Variants in SENP7 observed in about 807,000 individuals in gnomAD.
SENP7 encodes the protein sentrin-specific protease 7.
SENP7 carries 64 observed loss-of-function variants against 141.2 expected under a neutral mutation model. The observed-to-expected ratio is 0.45, with a 90% CI of 0.37 to 0.56. SENP7 has a LOEUF of 0.56. Ranked by LOEUF, SENP7 falls within the 20% of genes least tolerant of loss-of-function variation. The pLI, the probability that SENP7 is intolerant of heterozygous loss-of-function variation, is 0.00. For synonymous variants in SENP7, 382 were observed against 426.4 expected, an observed-to-expected ratio of 0.90 and a Z score of 1.28; for missense variants, 1,025 against 1,212.2, an observed-to-expected ratio of 0.85 and a Z score of 2.29.
At chr3:101,361,690 A>G (rs2059906329) in intron 11 of SENP7, 25 bp downstream of exon 11, 1 of 1,512,540 alleles carries the variant, frequency 6.6e-7, no homozygotes, top group Non-Finnish European at 8.8e-7. Flanking sequence ...CCAAACTAAA[A>G]GAAAATTAAA....
chr3:101,462,713 C>T (rs1576427688), intron 3 of SENP7, among the ~76,000 whole-genome samples: 1 of 149,256 alleles, frequency 6.7e-6, no homozygotes, highest in African/African-American at 2.5e-5. Context: ...ACTAAAAATA[C>T]AAAAATTAGC....
At position 101,398,999 on chromosome 3, in the gene SENP7, A is replaced by G; in HGVS notation, c.539T>C (p.Ile180Thr). Residue 180 changes from isoleucine to threonine, a missense_variant, in exon 6 of 24, where the codon ATA becomes ACA. This residue lies in a region of SENP7 where 496 missense variants were observed against 503.5 expected (regional missense o/e 0.99). Transcript: ENST00000394095. ...VLGTELGRKY[I>T]RTPPVTEGSL... ...TCCCTCAGTTACAGGTGGGGTCCTTATGTATTTTCTTCCTAACTCCGTTCC... is the reference window on the plus strand; with the variant it reads ...TCCCTCAGTTACAGGTGGGGTCCTTGTGTATTTTCTTCCTAACTCCGTTCC... 1.9e-6 allele frequency: 3 copies of G among 1,613,422 alleles called. No homozygotes were observed. In the South Asian group the frequency reaches 3.3e-5, roughly 18 times the overall value.
At chr3:101,497,947 C>A (rs770788823) in intron 2 of SENP7, among the ~76,000 whole-genome samples, 2 of 152,176 alleles carry the variant, frequency 1.3e-5, no homozygotes, top group African/African-American at 4.8e-5. Flanking sequence ...GGATTCCAGG[C>A]ATATGCCAAC....
At chr3:101,414,732 A>C in intron 5 of SENP7, 2 of 697,930 alleles carry the variant, frequency 2.9e-6, no homozygotes, top group Non-Finnish European at 2.4e-6. Flanking sequence ...TGAATGAAGA[A>C]ATTAAGGATG....
intron 4 of SENP7, among the ~76,000 whole-genome samples, chr3:101,427,665 T>C (rs1214347155): frequency 6.6e-6 from 1 of 152,086 alleles, no homozygotes; most frequent in Admixed American, 6.5e-5. Flanking sequence ...TTTCTTTTTT[T>C]TCTTTTGAAG....
At chr3:101,507,406 C>T (rs565056574) in intron 1 of SENP7, among the ~76,000 whole-genome samples, 15 of 152,308 alleles carry the variant, frequency 9.8e-5, no homozygotes, top group Admixed American at 3.9e-4. Flanking sequence ...TATAGCCTAT[C>T]ACCTTCTTAT....
intron 7 of SENP7, 110 bp downstream of exon 7, chr3:101,371,898 C>G (rs972452429): frequency 9.9e-6 from 4 of 403,894 alleles, no homozygotes; most frequent in African/African-American, 8.4e-5. Flanking sequence ...TCTCCCTTTA[C>G]TTTCACATAT....
chr3:101,347,103 T>A (rs751439166), intron 13 of SENP7, among the ~76,000 whole-genome samples: 2 of 151,898 alleles, frequency 1.3e-5, no homozygotes, highest in East Asian at 3.9e-4. Context: ...ACCCCTGTAG[T>A]CCCAGCTACT....
chr3:101,390,016 T>C (rs1559757369), intron 6 of SENP7, among the ~76,000 whole-genome samples: 3 of 151,900 alleles, frequency 2.0e-5, no homozygotes, highest in Non-Finnish European at 4.4e-5. Context: ...GGTCAGGAGT[T>C]AGAGACCAGC....
At chr3:101,380,494 T>G (rs1318292638) in intron 6 of SENP7, among the ~76,000 whole-genome samples, 1 of 137,148 alleles carries the variant, frequency 7.3e-6, no homozygotes, top group African/African-American at 2.7e-5. Context: ...AATACAAGAA[T>G]GGGTGGGGCA....
chr3:101,395,118 G>A (rs1193085367), intron 6 of SENP7, among the ~76,000 whole-genome samples: 3 of 152,096 alleles, frequency 2.0e-5, no homozygotes, highest in African/African-American at 7.2e-5. Context: ...CTCTGTTGAT[G>A]GGTTGGCTCC....
intron 17 of SENP7, among the ~76,000 whole-genome samples, chr3:101,335,770 A>C (rs937346285): frequency 6.6e-6 from 1 of 152,192 alleles, no homozygotes; most frequent in African/African-American, 2.4e-5. Flanking sequence ...CTGTATACAT[A>C]AAACAGAACA....
rs538707331 is a variant in SENP7, at chr3:101,324,309, G to A, written c.*1634C>T. 4 of 151,948 alleles carry A rather than the reference G, an allele frequency of 2.6e-5. No homozygotes were observed. The highest frequency in any genetic ancestry group is 5.9e-5 in the Non-Finnish European group (4 of 67,960). 9.4% of individuals were successfully genotyped at this position (151,948 alleles called of 1,614,324 possible). On this transcript the variant is annotated 3_prime_UTR_variant, in exon 24 of 24. Coordinates refer to ENST00000394095, the MANE Select transcript of SENP7 (RefSeq NM_020654.5). ...GGAAATATGTTTAATATAAAACACT[G>A]ATATCCTCAAAACATTACTTGCACA... is the stretch of plus-strand genomic sequence containing the variant.
rs1447920748 is a variant in SENP7 at position 101,337,490 on chromosome 3, C to T, written c.2480+19G>A. 8.1e-6 allele frequency: 12 copies of T among 1,479,016 alleles called. No homozygotes were observed. The highest frequency in any genetic ancestry group is 1.1e-5 in the Non-Finnish European group (12 of 1,074,158). 91.6% of individuals were successfully genotyped at this position (1,479,016 alleles called of 1,614,324 possible). A position where few individuals can be genotyped will look rare whatever the true frequency, so the allele number is the denominator to read the frequency against. On this transcript the variant is annotated intron_variant, in intron 17 of 23. Transcript: ENST00000394095. ...TACATTTTCTCTTAAAACTTAAGTA[C>T]ATTAGAGGATTAACTTACGAAAGAT...
intron 6 of SENP7, among the ~76,000 whole-genome samples, chr3:101,372,355 T>G (rs2060205769): frequency 6.6e-6 from 1 of 152,134 alleles, no homozygotes; most frequent in African/African-American, 2.4e-5. Flanking sequence ...AAATGAGATA[T>G]CAACATTGGA....
At position 101,430,172 on chromosome 3, in the gene SENP7, GT is replaced by G. The variant is rs544668853; in HGVS notation, c.285-12383del. Reference sequence around the variant, plus strand: ...TCTTTTTTTGTTGTGTCTCTGCCAGGTTTTGGTATCAGGATGATGCTGGCCT... The same window carrying G: ...TCTTTTTTTGTTGTGTCTCTGCCAGGTTTGGTATCAGGATGATGCTGGCCT... On this transcript the variant is annotated intron_variant, in intron 4 of 23. Transcript: ENST00000394095. Among the ~76,000 whole-genome samples, 672 of 152,300 alleles carry G rather than the reference GT, an allele frequency of 4.4e-3. 1 individual carries two copies. The highest frequency in any genetic ancestry group is 0.01 in the Middle Eastern group (3 of 294).
intron 4 of SENP7, among the ~76,000 whole-genome samples, chr3:101,442,907 T>C (rs1407813968): frequency 2.0e-5 from 3 of 151,762 alleles, no homozygotes; most frequent in Non-Finnish European, 4.4e-5. Context: ...AGAACAAATA[T>C]TGAGATTTCA....
chr3:101,393,360 C>T (rs1379633101), intron 6 of SENP7, among the ~76,000 whole-genome samples: 1 of 152,020 alleles, frequency 6.6e-6, no homozygotes, highest in Non-Finnish European at 1.5e-5. Context: ...AAATTAAAAG[C>T]TTTTGTACAA....
intron 1 of SENP7, among the ~76,000 whole-genome samples, chr3:101,504,974 A>G (rs1283489571): frequency 6.6e-6 from 1 of 152,110 alleles, no homozygotes; most frequent in Admixed American, 6.6e-5. Flanking sequence ...AGGCATGTGG[A>G]GAATCGCTTG....
Sources: allele counts gnomAD v4.1 joint callset (sites outside exome capture counted in the v4.1 genomes callset), GRCh38; gene constraint gnomAD v4.1.1; regional missense constraint gnomAD v4.1.1; transcripts MANE v1.5; gene names NCBI Gene and HGNC (gene_info 2026-07-23, HGNC 2026-07-21).